Variants in PRRC2C observed in about 807,000 individuals in gnomAD.
PRRC2C encodes protein PRRC2C.
PRRC2C carries 72 observed loss-of-function variants against 317.2 expected under a neutral mutation model. That is an observed-to-expected ratio of 0.23 (90% CI 0.19 to 0.28). PRRC2C has a LOEUF of 0.28. Ranked by LOEUF, PRRC2C falls within the 10% of genes least tolerant of loss-of-function variation. PRRC2C has a pLI of 1.00. For synonymous variants in PRRC2C, 1,296 were observed against 1,205.9 expected (o/e 1.07, Z -1.55); for missense variants, 3,074 against 3,459.7 (o/e 0.89, Z 2.80).
intron 18 of PRRC2C, among the ~76,000 whole-genome samples, chr1:171,555,357 A>G (rs1048145026): frequency 3.9e-5 from 6 of 152,148 alleles, no homozygotes; most frequent in African/African-American, 1.4e-4. Context: ...CTAGTTAGCC[A>G]TTCGTCTAAT....
chr1:171,588,473 A>G lies in PRRC2C; in HGVS notation c.8167A>G (p.Thr2723Ala). ...FQSAPATVRM[T>A]QPFPTQFAPQ... Reference sequence around the variant, plus strand: ...GTCAGCCCCTGCCACTGTGAGAATGACACAACCATTTCCTACACAGTTTGC... The same window carrying G: ...GTCAGCCCCTGCCACTGTGAGAATGGCACAACCATTTCCTACACAGTTTGC... Residue 2723 changes from threonine (T) to alanine (A), a missense_variant, in exon 33 of 35, where the codon ACA becomes GCA. Around this residue, in one of 11 missense-constraint regions of PRRC2C, gnomAD observed 490 missense variants for 663.1 expected, o/e 0.74. Transcript: ENST00000647382. The G allele has an allele frequency of 6.2e-7, 1 of 1,613,926 alleles. No homozygotes were observed. Among genetic ancestry groups the G allele is most frequent in the Non-Finnish European group, 8.5e-7 (1 of 1,179,814 alleles).
chr1:171,588,442 G>T lies in PRRC2C; in HGVS notation c.8136G>T (p.Gln2712His), dbSNP rs375843986. 1.2e-6 allele frequency: 2 copies of T among 1,613,770 alleles called. No homozygotes were observed. The highest frequency in any genetic ancestry group is 1.7e-6 in the Non-Finnish European group (2 of 1,179,772). Reference protein sequence around the residue: ...SKMNSIVYQKQFQSAPATVRM... With the variant: ...SKMNSIVYQKHFQSAPATVRM... The stretch of plus-strand genomic sequence containing the variant: ...TGAACAGCATTGTCTACCAGAAGCA[G>T]TTCCAGTCAGCCCCTGCCACTGTGA... The change falls in exon 33 of 35, where the codon CAG becomes CAT. Residue 2712 changes from glutamine (Q) to histidine (H), a missense_variant. Physicochemically the swap from Gln to His is conservative, Grantham distance 24. Coordinates refer to ENST00000647382, the MANE Select transcript of PRRC2C (RefSeq NM_001387844.1).
intron 1 of PRRC2C, among the ~76,000 whole-genome samples, chr1:171,499,849 A>G (rs1333308088): frequency 6.6e-6 from 1 of 152,208 alleles, no homozygotes; most frequent in Non-Finnish European, 1.5e-5. Flanking sequence ...ACAGAAAAAA[A>G]GTAACGAGGC....
chr1:171,510,505 T>G (rs912055815), intron 1 of PRRC2C: 1 of 152,220 alleles, frequency 6.6e-6, no homozygotes, highest in African/African-American at 2.4e-5. Flanking sequence ...AGATGAATAT[T>G]CTTTCTATAT....
intron 1 of PRRC2C, among the ~76,000 whole-genome samples, chr1:171,486,434 G>A (rs1666121762): frequency 6.6e-6 from 1 of 152,114 alleles, no homozygotes. Flanking sequence ...GATATTGGTG[G>A]TGTCAGGGTA....
rs753304185 is a variant in PRRC2C at position 171,540,715 on chromosome 1, A to G, written c.3249A>G (p.Gln1083=). 12 of 1,613,972 alleles carry G rather than the reference A, an allele frequency of 7.4e-6. No homozygotes were observed. The highest frequency in any genetic ancestry group is 6.7e-5 in the East Asian group (3 of 44,888). ...CACAGTCAGTTCCACCACCAATTCA[A>G]CCAGAAGCAGAGAAATTTCCTTCAA... is the stretch of plus-strand genomic sequence containing the variant. ...IQPQSVPPPI[Q]PEAEKFPSTE... Residue 1083 remains glutamine, a synonymous_variant, in exon 16 of 35, where the codon CAA becomes CAG. Coordinates refer to ENST00000647382, the MANE Select transcript of PRRC2C (RefSeq NM_001387844.1).
chr1:171,494,278 T>C (rs1318874869), intron 1 of PRRC2C, among the ~76,000 whole-genome samples: 1 of 152,198 alleles, frequency 6.6e-6, no homozygotes, highest in Admixed American at 6.5e-5. Flanking sequence ...TTAATTCACA[T>C]GTTTCAGTTT....
At chr1:171,555,801 AT>A (rs1358664838) in intron 18 of PRRC2C, among the ~76,000 whole-genome samples, 9 of 152,210 alleles carry the variant, frequency 5.9e-5, no homozygotes, top group African/African-American at 2.2e-4. Context: ...AACAGCAAAT[AT>A]TGCAGAACAG....
At chr1:171,591,131 T>G in intron 34 of PRRC2C, 4 of 985,252 alleles carry the variant, frequency 4.1e-6, no homozygotes, top group Non-Finnish European at 4.8e-6. Flanking sequence ...GTTACTAATT[T>G]CTGATGCTCT....
intron 18 of PRRC2C, among the ~76,000 whole-genome samples, chr1:171,556,648 GA>G (rs1405798163): frequency 6.6e-6 from 1 of 152,176 alleles, no homozygotes; most frequent in Non-Finnish European, 1.5e-5. Flanking sequence ...AAGTTGAGTT[GA>G]TTTTAAATTA....
intron 18 of PRRC2C, among the ~76,000 whole-genome samples, chr1:171,550,491 A>G (rs1201142081): frequency 6.6e-6 from 1 of 151,002 alleles, no homozygotes; most frequent in African/African-American, 2.4e-5. Context: ...TAAATACTGT[A>G]AGTTCTAGGG....
At chr1:171,571,186 T>C (rs1426579701) in intron 23 of PRRC2C, 134 bp from the exon 24 acceptor site, 1 of 564,072 alleles carries the variant, frequency 1.8e-6, no homozygotes, top group Non-Finnish European at 3.1e-6. Context: ...AATGTGACTC[T>C]TAAGTAATCA....
rs1468228572 is a variant in PRRC2C, at chr1:171,541,271, A to G, written c.3805A>G (p.Thr1269Ala). 2 of 1,614,008 alleles carry G rather than the reference A, an allele frequency of 1.2e-6. No individual in the cohort carries two copies. The highest frequency in any genetic ancestry group is 3.3e-5 in the Admixed American group (2 of 60,024). The change falls in exon 16 of 35, where the codon ACA (threonine) becomes GCA (alanine). Residue 1269 changes from threonine to alanine, a missense_variant. This residue lies in a region of PRRC2C where 1,320 missense variants were observed against 1,395.7 expected (regional missense o/e 0.95). Coordinates refer to ENST00000647382, the MANE Select transcript of PRRC2C (RefSeq NM_001387844.1). This position sits in a 1 kb window ranked among gnomAD's most constrained non-coding sequence, Gnocchi z 4.1. ...ACGACAGCGGGGTTCAGAGACTGAC[A>G]CAGACAGTGAAATTCATGAAAGTGC... The part of the protein sequence containing the change: ...RRRQRGSETD[T>A]DSEIHESASD...
intron 28 of PRRC2C, 97 bp downstream of exon 28, chr1:171,580,061 C>T (rs892008314): frequency 2.8e-5 from 32 of 1,131,838 alleles, no homozygotes; most frequent in Non-Finnish European, 3.6e-5. Flanking sequence ...CCAAAAAAAC[C>T]TAGGATGACT....
intron 11 of PRRC2C, among the ~76,000 whole-genome samples, chr1:171,530,551 C>T (rs1675634750): frequency 6.6e-6 from 1 of 151,566 alleles, no homozygotes; most frequent in South Asian, 2.1e-4. Flanking sequence ...TAGCCTGGGC[C>T]GTATTTTTAT....
At chr1:171,584,591 G>A in intron 30 of PRRC2C, 65 bp downstream of exon 30, 1 of 1,481,090 alleles carries the variant, frequency 6.8e-7, no homozygotes, top group Non-Finnish European at 9.0e-7. Context: ...TTTTGTTATT[G>A]TTTGGGAATT....
intron 1 of PRRC2C, among the ~76,000 whole-genome samples, chr1:171,492,814 C>T (rs1349986199): frequency 6.6e-6 from 1 of 151,372 alleles, no homozygotes; most frequent in Non-Finnish European, 1.5e-5. Flanking sequence ...GGCAGTGGTG[C>T]GATCTTGGCT....
chr1:171,540,936 C>T lies in PRRC2C; in HGVS notation c.3470C>T (p.Ser1157Leu). 1 of 1,613,866 alleles carries T rather than the reference C, an allele frequency of 6.2e-7. No individual in the cohort carries two copies. Among genetic ancestry groups the T allele is most frequent in the Non-Finnish European group, 8.5e-7 (1 of 1,179,850 alleles). Residue 1157 changes from serine to leucine, a missense_variant, in exon 16 of 35, where the codon TCA (serine) becomes TTA (leucine). Transcript: ENST00000647382. Reference sequence around the variant, plus strand: ...GTTATAGAGAGGCCTCGACCAGATTCAAGACCAGCAGTTAAAAAAGAATCA... The same window carrying T: ...GTTATAGAGAGGCCTCGACCAGATTTAAGACCAGCAGTTAAAAAAGAATCA... ...DLVIERPRPD[S>L]RPAVKKESTL...
intron 11 of PRRC2C, among the ~76,000 whole-genome samples, chr1:171,531,138 G>A (rs1675780392): frequency 6.6e-6 from 1 of 152,136 alleles, no homozygotes; most frequent in South Asian, 2.1e-4. Context: ...TTTTATACAT[G>A]TATATAAAAT....
Sources: gnomAD v4.1 joint callset for allele counts (sites outside exome capture counted in the v4.1 genomes callset) on GRCh38, gnomAD v4.1.1 for gene constraint, gnomAD v4.1.1 regional missense constraint, Gnocchi (gnomAD v3.1) non-coding constraint, MANE v1.5 for transcripts, NCBI Gene and HGNC (gene_info 2026-07-23, HGNC 2026-07-21) for gene names.